Variants in FILIP1 observed in about 807,000 individuals in gnomAD.
FILIP1 encodes filamin-A-interacting protein 1.
A neutral mutation model predicts 102.1 loss-of-function variants in FILIP1; 61 were observed. The ratio of observed to expected loss-of-function variants is 0.60; its 90% CI spans 0.49 to 0.74. The LOEUF is 0.74. Among genes scored for constraint, FILIP1 ranks in the 30% least tolerant of loss-of-function variants. The pLI is 0.00. For missense variants in FILIP1, 1,314 were observed against 1,441.2 expected (o/e 0.91, Z 1.43); for synonymous variants, 491 against 526.9 (o/e 0.93, Z 0.93).
chr6:75,299,384 T>C (rs991476752), intron 6 of FILIP1, among the ~76,000 whole-genome samples: 1 of 152,206 alleles, frequency 6.6e-6, no homozygotes, highest in African/African-American at 2.4e-5. Flanking sequence ...GAGCACTTAA[T>C]AGGCAGATTG....
At chr6:75,427,976 TA>T (rs1386778783) in intron 1 of FILIP1, among the ~76,000 whole-genome samples, 2 of 152,078 alleles carry the variant, frequency 1.3e-5, no homozygotes, top group Admixed American at 1.3e-4. Flanking sequence ...TAGCCATTTT[TA>T]AAGAGGGTGG....
At chr6:75,357,733 A>C (rs1775051143) in intron 3 of FILIP1, among the ~76,000 whole-genome samples, 1 of 152,376 alleles carries the variant, frequency 6.6e-6, no homozygotes. Flanking sequence ...TAACATAGGT[A>C]GCAAAAGATC....
chr6:75,441,281 G>A (rs1562602959), intron 1 of FILIP1, among the ~76,000 whole-genome samples: 1 of 152,072 alleles, frequency 6.6e-6, no homozygotes. Flanking sequence ...ACATGTTTCA[G>A]AGAGCACAGG....
intron 2 of FILIP1, among the ~76,000 whole-genome samples, chr6:75,369,906 C>A (rs183214861): frequency 1.1e-4 from 17 of 152,338 alleles, no homozygotes; most frequent in African/African-American, 3.1e-4. Flanking sequence ...GCACGATGAT[C>A]CACTCACTTG....
rs1774591104 is a variant in FILIP1 at position 75,346,526 on chromosome 6, T to C, written c.629+7013A>G. Among the ~76,000 whole-genome samples, 2 of 152,034 alleles carry C rather than the reference T, an allele frequency of 1.3e-5. 1 individual carries two copies. Among genetic ancestry groups the C allele is most frequent in the Admixed American group, 1.3e-4 (2 of 15,256 alleles). On this transcript the variant is annotated intron_variant, in intron 4 of 5. Coordinates refer to ENST00000237172, the MANE Select transcript of FILIP1 (RefSeq NM_015687.5). ...CTCCTTCATATTTAATCCAGAGGGG[T>C]GCCTGGTAGATAAGCAACATGCTCC... is the stretch of plus-strand genomic sequence containing the variant.
intron 1 of FILIP1, among the ~76,000 whole-genome samples, chr6:75,429,682 A>G (rs1241952247): frequency 6.6e-6 from 1 of 152,152 alleles, no homozygotes; most frequent in African/African-American, 2.4e-5. Context: ...AGTGTTTGGA[A>G]GGCCTAAGGA....
intron 1 of FILIP1, chr6:75,458,923 TTAAG>T (rs1471517425): frequency 6.6e-6 from 1 of 152,162 alleles, no homozygotes; most frequent in Non-Finnish European, 1.5e-5. Flanking sequence ...AAAGAAGTTA[TTAAG>T]TATTACAAAA....
intron 4 of FILIP1, among the ~76,000 whole-genome samples, chr6:75,326,073 G>C (rs1190878689): frequency 1.5e-5 from 2 of 135,414 alleles, no homozygotes; most frequent in African/African-American, 5.9e-5. Flanking sequence ...ATAGATGATA[G>C]ATAGATAGAT....
intron 1 of FILIP1, among the ~76,000 whole-genome samples, chr6:75,488,844 T>G: frequency 6.6e-6 from 1 of 152,158 alleles, no homozygotes; most frequent in East Asian, 1.9e-4. Context: ...ACACATCTTA[T>G]GAGATAACAC....
intron 4 of FILIP1, chr6:75,319,015 G>A (rs1419566795): frequency 7.4e-6 from 5 of 672,884 alleles, no homozygotes; most frequent in East Asian, 3.3e-5. Flanking sequence ...AAAAAAAACT[G>A]TGCTAGAACC....
intron 2 of FILIP1, among the ~76,000 whole-genome samples, chr6:75,370,366 C>T (rs1451677506): frequency 6.6e-6 from 1 of 152,082 alleles, no homozygotes; most frequent in Non-Finnish European, 1.5e-5. Flanking sequence ...GTGCCTGCTG[C>T]ATGGTAGGCA....
intron 4 of FILIP1, among the ~76,000 whole-genome samples, chr6:75,326,100 T>G (rs2149571199): frequency 6.7e-6 from 1 of 148,798 alleles, no homozygotes; most frequent in East Asian, 2.0e-4. Context: ...ATAGATTAGA[T>G]AGATAGATAG....
chr6:75,457,881 C>T (rs755947706), intron 1 of FILIP1, among the ~76,000 whole-genome samples: 18 of 151,988 alleles, frequency 1.2e-4, no homozygotes, highest in Non-Finnish European at 2.4e-4. Context: ...TGGAAAACTC[C>T]GAGGAGAACA....
At chr6:75,444,642 C>T (rs964571213) in intron 1 of FILIP1, among the ~76,000 whole-genome samples, 1 of 152,194 alleles carries the variant, frequency 6.6e-6, no homozygotes, top group Non-Finnish European at 1.5e-5. Context: ...TCACCTAGCT[C>T]ACTTCCTCAG....
chr6:75,308,012 C>A (rs765955751), downstream of FILIP1: 31 of 982,452 alleles, frequency 3.2e-5, no homozygotes, highest in Non-Finnish European at 3.5e-5. Context: ...CTAAGAAATT[C>A]TGGGAATCTT....
At chr6:75,433,333 C>CA (rs1410266356) in intron 1 of FILIP1, among the ~76,000 whole-genome samples, 10 of 152,212 alleles carry the variant, frequency 6.6e-5, no homozygotes, top group Non-Finnish European at 1.5e-4. Context: ...TCCTTTCCAG[C>CA]AACTGTTGTT....
intron 1 of FILIP1, among the ~76,000 whole-genome samples, chr6:75,470,805 G>A (rs771321513): frequency 6.6e-6 from 1 of 152,112 alleles, no homozygotes; most frequent in African/African-American, 2.4e-5. Flanking sequence ...AGGCAAATAT[G>A]TGGTGCCTTA....
intron 1 of FILIP1, among the ~76,000 whole-genome samples, chr6:75,475,281 G>A (rs927254196): frequency 1.5e-4 from 23 of 152,160 alleles, no homozygotes; most frequent in African/African-American, 5.3e-4. Context: ...AGAGACACAG[G>A]TAAAGATCGA....
chr6:75,295,781 C>A, exon 7 of FILIP1: 1 of 521,852 alleles, frequency 1.9e-6, no homozygotes, highest in East Asian at 3.6e-5. Context: ...AAAAAAAAAT[C>A]ACTGGAAGTA....
Sources: allele counts gnomAD v4.1 joint callset (sites outside exome capture counted in the v4.1 genomes callset), GRCh38; gene constraint gnomAD v4.1.1; transcripts MANE v1.5; gene names NCBI Gene and HGNC (gene_info 2026-07-23, HGNC 2026-07-21).